EYS: variants seen among roughly 807,000 people sequenced by gnomAD.
The protein encoded by EYS is EGF-like photoreceptor maintenance factor.
EYS carries 250 observed loss-of-function variants against 282.1 expected under a neutral mutation model. The observed-to-expected ratio is 0.89, with a 90% CI of 0.80 to 0.98. The LOEUF is 0.98. Among genes scored for constraint, EYS ranks in the 50% least tolerant of loss-of-function variants. The pLI is 0.00. For missense variants in EYS, 4,016 were observed against 3,709.0 expected, an observed-to-expected ratio of 1.08 and a Z score of -2.15; for synonymous variants, 1,355 against 1,282.9, an observed-to-expected ratio of 1.06 and a Z score of -1.20.
intron 13 of EYS, among the ~76,000 whole-genome samples, chr6:65,050,114 C>T (rs915141484): frequency 5.3e-5 from 8 of 151,320 alleles, no homozygotes; most frequent in Non-Finnish European, 1.2e-4. Context: ...TATTAAAGAG[C>T]TTTGAATCTA....
intron 23 of EYS, among the ~76,000 whole-genome samples, chr6:64,619,656 T>C (rs1767383851): frequency 6.6e-6 from 1 of 152,118 alleles, no homozygotes; most frequent in Non-Finnish European, 1.5e-5. Context: ...TGTCTTTCAT[T>C]GTTGTTGTTT....
chr6:65,423,473 C>A (rs1767543325), intron 5 of EYS, among the ~76,000 whole-genome samples: 2 of 151,896 alleles, frequency 1.3e-5, no homozygotes, highest in Non-Finnish European at 2.9e-5. Flanking sequence ...ACAGGGTCAG[C>A]TTTTTAGAAC....
intron 2 of EYS, among the ~76,000 whole-genome samples, chr6:65,637,610 C>T (rs903057142): frequency 6.6e-6 from 1 of 152,228 alleles, no homozygotes; most frequent in Admixed American, 6.5e-5. Flanking sequence ...CTTGCCATAG[C>T]AGGCTTGAAA....
chr6:65,009,949 G>T (rs1272592902), intron 13 of EYS, among the ~76,000 whole-genome samples: 1 of 152,130 alleles, frequency 6.6e-6, no homozygotes, highest in Non-Finnish European at 1.5e-5. Context: ...GGATTCCTAG[G>T]TATGGCAAAA....
intron 31 of EYS, among the ~76,000 whole-genome samples, chr6:64,155,542 CT>C: frequency 6.6e-6 from 1 of 152,162 alleles, no homozygotes; most frequent in South Asian, 2.1e-4. Flanking sequence ...AATAGAAAGG[CT>C]GAGCTTCACA....
chr6:64,661,628 A>AT lies in EYS; in HGVS notation c.3444-35384_3444-35383insA, dbSNP rs1300345310. ...CATTTATGCAGCCAAAAGACACATGAAAAATGCTCATCATCACTGGCCAAC... is the reference window on the plus strand; with the variant it reads ...CATTTATGCAGCCAAAAGACACATGATAAAATGCTCATCATCACTGGCCAAC... On this transcript the variant is annotated intron_variant, in intron 22 of 42. Coordinates refer to ENST00000503581, the MANE Select transcript of EYS (RefSeq NM_001142800.2). Among the ~76,000 whole-genome samples the AT allele has an allele frequency of 4.6e-5, 7 of 151,000 alleles. No individual in the cohort carries two copies. The East Asian group carries it at 1.4e-3, about 29-fold the overall frequency.
At chr6:65,369,358 C>T (rs1009552343) in intron 8 of EYS, among the ~76,000 whole-genome samples, 5 of 135,386 alleles carry the variant, frequency 3.7e-5, no homozygotes, top group African/African-American at 1.3e-4. Context: ...CATTCTGAAC[C>T]AAAAGTGCTT....
chr6:64,067,616 A>G lies in EYS; in HGVS notation c.6572-1125T>C, dbSNP rs1023132574. 3.9e-5 allele frequency among the ~76,000 whole-genome samples: 6 copies of G among 152,062 alleles called. No individual in the cohort carries two copies. In the East Asian group the frequency reaches 5.8e-4, roughly 15 times the overall value. ...TACAGGATATAGTTATAATCATTCT[A>G]TTTTATTATGTGTTGGTGTTAATGT... is the stretch of plus-strand genomic sequence containing the variant. On this transcript the variant is annotated intron_variant, in intron 32 of 42. Transcript: ENST00000503581.
chr6:65,336,135 T>G (rs1039396181), intron 10 of EYS, among the ~76,000 whole-genome samples: 1 of 151,772 alleles, frequency 6.6e-6, no homozygotes, highest in African/African-American at 2.4e-5. Flanking sequence ...GTGTGACAAT[T>G]AAACCTCTTT....
chr6:64,629,983 G>A (rs565075363), intron 22 of EYS, among the ~76,000 whole-genome samples: 83 of 152,242 alleles, frequency 5.5e-4, no homozygotes, highest in African/African-American at 1.9e-3. Context: ...CAAATCTGAA[G>A]GAGAAAGGGT....
At chr6:65,519,708 AT>A (rs59743261) in intron 2 of EYS, among the ~76,000 whole-genome samples, 106 of 42,550 alleles carry the variant, frequency 2.5e-3, no homozygotes, top group African/African-American at 2.9e-3. Context: ...ATATATATAT[AT>A]TTTTTTTTTT....
At chr6:65,291,761 G>A (rs1185699814) in intron 12 of EYS, among the ~76,000 whole-genome samples, 2 of 151,546 alleles carry the variant, frequency 1.3e-5, no homozygotes, top group Non-Finnish European at 3.0e-5. Flanking sequence ...CTTCAAAGAT[G>A]AGGCTCATTT....
chr6:65,389,198 T>C (rs936722485), intron 7 of EYS, among the ~76,000 whole-genome samples: 1 of 152,178 alleles, frequency 6.6e-6, no homozygotes, highest in African/African-American at 2.4e-5. Context: ...ACTGCAATAC[T>C]TGCCATTGTA....
At chr6:65,042,198 C>CT (rs561227972) in intron 13 of EYS, among the ~76,000 whole-genome samples, 1 of 151,248 alleles carries the variant, frequency 6.6e-6, no homozygotes, top group Non-Finnish European at 1.5e-5. Flanking sequence ...ATTTTTATGC[C>CT]TTTTTTTGAA....
intron 12 of EYS, among the ~76,000 whole-genome samples, chr6:65,167,859 A>C (rs1471818103): frequency 1.3e-5 from 2 of 151,326 alleles, no homozygotes; most frequent in African/African-American, 4.8e-5. Flanking sequence ...TATAATTATC[A>C]ATTCCCATAC....
intron 31 of EYS, among the ~76,000 whole-genome samples, chr6:64,100,379 CT>C (rs1328635271): frequency 6.6e-6 from 1 of 151,940 alleles, no homozygotes; most frequent in Non-Finnish European, 1.5e-5. Context: ...CTCTTTTGCC[CT>C]GCTTGTTTTT....
chr6:65,071,905 A>G (rs1773912644), intron 12 of EYS, among the ~76,000 whole-genome samples: 1 of 151,730 alleles, frequency 6.6e-6, no homozygotes, highest in Non-Finnish European at 1.5e-5. Context: ...GCCATTATAA[A>G]AGTGCTTGAT....
chr6:65,420,891 C>A (rs1452592878), intron 5 of EYS, among the ~76,000 whole-genome samples: 2 of 151,552 alleles, frequency 1.3e-5, no homozygotes, highest in Non-Finnish European at 2.9e-5. Flanking sequence ...TTTTCCTGAG[C>A]AGCAGGTCAC....
At chr6:64,612,535 G>C (rs1196373544) in intron 24 of EYS, among the ~76,000 whole-genome samples, 1 of 151,996 alleles carries the variant, frequency 6.6e-6, no homozygotes, top group East Asian at 1.9e-4. Flanking sequence ...CTTTAATCTT[G>C]TTTGGAATCA....
Sources: gnomAD v4.1 joint callset for allele counts (sites outside exome capture counted in the v4.1 genomes callset) on GRCh38, gnomAD v4.1.1 for gene constraint, MANE v1.5 for transcripts, NCBI Gene and HGNC (gene_info 2026-07-23, HGNC 2026-07-21) for gene names.